The following TM9SF2 variants were observed in gnomAD, a reference collection of about 807,000 sequenced individuals.
TM9SF2 encodes the protein transmembrane 9 superfamily member 2, also known as 76 kDa membrane protein.
Under a neutral mutation model 84.9 loss-of-function variants are expected in TM9SF2, and 13 were observed. That is an observed-to-expected ratio of 0.15 (90% CI 0.10 to 0.24). TM9SF2 has a LOEUF of 0.24. Ranked by LOEUF, TM9SF2 falls within the 10% of genes least tolerant of loss-of-function variation. TM9SF2 has a pLI of 1.00. For synonymous variants in TM9SF2, 273 were observed against 285.8 expected, an observed-to-expected ratio of 0.96 and a Z score of 0.45; for missense variants, 562 against 818.5, an observed-to-expected ratio of 0.69 and a Z score of 3.82.
intron 2 of TM9SF2, among the ~76,000 whole-genome samples, chr13:99,519,357 C>T (rs1594048072): frequency 6.6e-6 from 1 of 151,470 alleles, no homozygotes; most frequent in Non-Finnish European, 1.5e-5. Context: ...TAATCTGTTA[C>T]TATTACTGTA....
intron 11 of TM9SF2, 108 bp from the exon 12 acceptor site, chr13:99,549,057 A>G (rs1401356049): frequency 1.2e-6 from 1 of 807,994 alleles, no homozygotes; most frequent in Non-Finnish European, 2.1e-6. Flanking sequence ...TCTAGGAATG[A>G]GTACTCATTG....
chr13:99,508,995 T>C (rs1211357956), intron 1 of TM9SF2, among the ~76,000 whole-genome samples: 1 of 152,212 alleles, frequency 6.6e-6, no homozygotes, highest in African/African-American at 2.4e-5. Context: ...AAATCTTAAC[T>C]GACTGCAGCA....
chr13:99,550,905 T>A (rs1414702289), intron 12 of TM9SF2, among the ~76,000 whole-genome samples: 1 of 152,244 alleles, frequency 6.6e-6, no homozygotes, highest in Admixed American at 6.5e-5. Flanking sequence ...GTTGTTTAAG[T>A]TCTGTTCACA....
In TM9SF2 at chr13:99,559,427, A is replaced by G; in HGVS notation, c.1817A>G (p.Tyr606Cys). The change falls in exon 16 of 17, where the codon TAT becomes TGT. Residue 606 changes from tyrosine (Y) to cysteine (C), a missense_variant. Coordinates refer to ENST00000376387, the MANE Select transcript of TM9SF2 (RefSeq NM_004800.3). The part of the protein sequence containing the change: ...SGFTAVYFLI[Y>C]AVHYFFSKLQ... ...TTTACTGCAGTTTATTTCTTAATCT[A>G]TGCAGTACACTACTTCTTTTCAAAA... 6.2e-7 allele frequency: 1 copy of G among 1,613,884 alleles called. No homozygotes were observed. The highest frequency in any genetic ancestry group is 8.5e-7 in the Non-Finnish European group (1 of 1,179,864).
At chr13:99,549,061 C>G in intron 11 of TM9SF2, 104 bp from the exon 12 acceptor site, 2 of 858,692 alleles carry the variant, frequency 2.3e-6, no homozygotes, top group Middle Eastern at 2.6e-4. Context: ...GGAATGAGTA[C>G]TCATTGCTGT....
chr13:99,549,250 C>T, intron 12 of TM9SF2, 28 bp downstream of exon 12: 2 of 1,598,388 alleles, frequency 1.3e-6, no homozygotes, highest in Admixed American at 1.7e-5. Context: ...GAATTACTTT[C>T]TTAACATAGT....
intron 3 of TM9SF2, among the ~76,000 whole-genome samples, chr13:99,525,552 GA>G (rs1167121945): frequency 2.9e-5 from 4 of 137,910 alleles, no homozygotes; most frequent in African/African-American, 1.1e-4. Context: ...ACTTATGATA[GA>G]TTTTTTTTTT....
chr13:99,503,156 G>T (rs891246597), intron 1 of TM9SF2, among the ~76,000 whole-genome samples: 2 of 152,190 alleles, frequency 1.3e-5, no homozygotes, highest in East Asian at 1.9e-4. Context: ...AAGTACACTG[G>T]TTTTTCCATT....
At chr13:99,530,645 G>GA (rs1163889587) in intron 4 of TM9SF2, among the ~76,000 whole-genome samples, 3 of 152,234 alleles carry the variant, frequency 2.0e-5, no homozygotes, top group African/African-American at 4.8e-5. Context: ...TGTGGGCTAT[G>GA]AAAAAAATCA....
chr13:99,501,892 T>A (rs1356129587), intron 1 of TM9SF2, 115 bp downstream of exon 1: 1 of 1,419,212 alleles, frequency 7.0e-7, no homozygotes, highest in African/African-American at 1.5e-5. Context: ...GCGGGTGGGG[T>A]TGAGTTTCCC....
intron 14 of TM9SF2, among the ~76,000 whole-genome samples, chr13:99,555,163 A>G (rs542102408): frequency 4.1e-4 from 63 of 152,336 alleles, no homozygotes; most frequent in African/African-American, 1.4e-3. Context: ...TCGTTATACT[A>G]ATTTTCCAAA....
At chr13:99,555,946 A>G (rs2046323182) in intron 15 of TM9SF2, among the ~76,000 whole-genome samples, 1 of 152,184 alleles carries the variant, frequency 6.6e-6, no homozygotes, top group Non-Finnish European at 1.5e-5. Flanking sequence ...TGTGATACAA[A>G]TATTTATATC....
At chr13:99,536,544 G>A in intron 4 of TM9SF2, 64 bp from the exon 5 acceptor site, 1 of 1,563,768 alleles carries the variant, frequency 6.4e-7, no homozygotes, top group Middle Eastern at 1.7e-4. Flanking sequence ...CACTGATTTG[G>A]GCAGTAATTC....
chr13:99,561,502 C>T (rs895091120), intron 16 of TM9SF2, among the ~76,000 whole-genome samples: 1 of 152,036 alleles, frequency 6.6e-6, no homozygotes, highest in Non-Finnish European at 1.5e-5. Flanking sequence ...TGAAATTAAC[C>T]CCAGCCCTAG....
At chr13:99,538,299 A>T (rs2046243167) in intron 6 of TM9SF2, among the ~76,000 whole-genome samples, 2 of 152,214 alleles carry the variant, frequency 1.3e-5, no homozygotes, top group Non-Finnish European at 2.9e-5. Flanking sequence ...AATACGAGCC[A>T]TTGAAAGAGA....
chr13:99,557,766 C>T (rs1594063008), intron 15 of TM9SF2, among the ~76,000 whole-genome samples: 4 of 152,054 alleles, frequency 2.6e-5, no homozygotes, highest in Admixed American at 2.6e-4. Context: ...ACTTGGGAAG[C>T]TGAGGTGGAA....
chr13:99,545,811 C>T (rs969040113), intron 10 of TM9SF2, among the ~76,000 whole-genome samples: 11 of 152,050 alleles, frequency 7.2e-5, no homozygotes, highest in Non-Finnish European at 1.0e-4. Flanking sequence ...GTGATCCGCC[C>T]GCCTCGGCCT....
chr13:99,509,422 A>G (rs999047033), intron 1 of TM9SF2, among the ~76,000 whole-genome samples: 1 of 152,150 alleles, frequency 6.6e-6, no homozygotes, highest in Non-Finnish European at 1.5e-5. Flanking sequence ...GCAGGCTTCT[A>G]CCTGGGCACC....
At position 99,553,900 on chromosome 13, in the gene TM9SF2, C is replaced by T. The variant is rs182645915; in HGVS notation, c.1489-404C>T. Reference sequence around the variant, plus strand: ...CAATTTTAGTAAAGATGACATTGCGCACCTCCAAATAAAAATACATGGACC... The same window carrying T: ...CAATTTTAGTAAAGATGACATTGCGTACCTCCAAATAAAAATACATGGACC... On this transcript the variant is annotated intron_variant, in intron 13 of 16. Coordinates refer to ENST00000376387, the MANE Select transcript of TM9SF2 (RefSeq NM_004800.3). Among the ~76,000 whole-genome samples the T allele has an allele frequency of 2.5e-3, 379 of 152,336 alleles. 3 individuals carry two copies. The highest frequency in any genetic ancestry group is 8.7e-3 in the African/African-American group (362 of 41,572).
Sources: gnomAD v4.1 joint callset for allele counts (sites outside exome capture counted in the v4.1 genomes callset) on GRCh38, gnomAD v4.1.1 for gene constraint, MANE v1.5 for transcripts, NCBI Gene and HGNC (gene_info 2026-07-23, HGNC 2026-07-21) for gene names.